Variants in CRIM1 observed in about 807,000 individuals in gnomAD.
CRIM1 encodes the protein cysteine rich transmembrane BMP regulator 1, also known as cysteine-rich motor neuron 1 protein.
A neutral mutation model predicts 116.4 loss-of-function variants in CRIM1; 32 were observed. The observed-to-expected ratio is 0.27, with a 90% CI of 0.21 to 0.37. The LOEUF is 0.37. Ranked by LOEUF, CRIM1 falls within the 10% of genes least tolerant of loss-of-function variation. The pLI is 1.00. For missense variants in CRIM1, 1,331 were observed against 1,354.8 expected (o/e 0.98, Z 0.28); for synonymous variants, 590 against 509.2 (o/e 1.16, Z -2.13).
At position 36,476,928 on chromosome 2, in the gene CRIM1, A is replaced by G; in HGVS notation, c.1031A>G (p.Tyr344Cys). The change falls in exon 6 of 17, where the codon TAT (tyrosine) becomes TGT (cysteine). Residue 344 changes from tyrosine to cysteine, a missense_variant. Tyr to Cys is a radical substitution (Grantham distance 194). Coordinates refer to ENST00000280527, the MANE Select transcript of CRIM1 (RefSeq NM_016441.3). ...PACVFNNVEY[Y>C]DGDMFRMDNC... The stretch of plus-strand genomic sequence containing the variant: ...TGCGTATTTAACAATGTGGAATATT[A>G]TGATGGAGACATGTTTCGAATGGAC... The G allele has an allele frequency of 5.0e-6, 8 of 1,614,118 alleles. No homozygotes were observed. Among genetic ancestry groups the G allele is most frequent in the Non-Finnish European group, 6.8e-6 (8 of 1,179,982 alleles).
intron 2 of CRIM1, among the ~76,000 whole-genome samples, chr2:36,406,679 C>T (rs1027699737): frequency 1.4e-5 from 2 of 140,738 alleles, no homozygotes; most frequent in African/African-American, 2.6e-5. Flanking sequence ...TTCTCTTACT[C>T]GTCCTGAAAC....
intron 7 of CRIM1, among the ~76,000 whole-genome samples, chr2:36,488,555 G>T (rs951605945): frequency 6.6e-6 from 1 of 152,164 alleles, no homozygotes; most frequent in African/African-American, 2.4e-5. Flanking sequence ...TCTGAAATTT[G>T]CCAGAAAGCA....
intron 2 of CRIM1, among the ~76,000 whole-genome samples, chr2:36,440,474 C>A (rs1227360026): frequency 6.6e-6 from 1 of 152,200 alleles, no homozygotes; most frequent in Non-Finnish European, 1.5e-5. Flanking sequence ...TAAAACTCAA[C>A]CCAAGAAGCT....
intron 7 of CRIM1, among the ~76,000 whole-genome samples, chr2:36,482,494 GAC>G (rs1259467683): frequency 6.6e-6 from 1 of 152,164 alleles, no homozygotes. Context: ...ATCATTTGAA[GAC>G]ATTTTTTCTC....
intron 4 of CRIM1, among the ~76,000 whole-genome samples, chr2:36,461,827 C>T (rs549826269): frequency 2.1e-4 from 32 of 152,256 alleles, no homozygotes; most frequent in African/African-American, 7.7e-4. Context: ...TTGACCATTT[C>T]GAACTGCAAA....
rs193112932 is a variant in CRIM1, at chr2:36,492,472, A to G, written c.1373-6747A>G. ...AGATTAGGGAATTTTTGTATCTTCA[A>G]TTTTTTTTTTTTCTTATTGTCTGCT... On this transcript the variant is annotated intron_variant, in intron 7 of 16. Coordinates refer to ENST00000280527, the MANE Select transcript of CRIM1 (RefSeq NM_016441.3). 3.4e-5 allele frequency among the ~76,000 whole-genome samples: 5 copies of G among 147,838 alleles called. No individual in the cohort carries two copies. In the East Asian group the frequency reaches 9.8e-4, roughly 29 times the overall value.
At chr2:36,470,263 G>T (rs933960381) in intron 5 of CRIM1, among the ~76,000 whole-genome samples, 1 of 152,180 alleles carries the variant, frequency 6.6e-6, no homozygotes, top group Non-Finnish European at 1.5e-5. Flanking sequence ...TTGGTGGAGG[G>T]ATGGGACAAG....
At chr2:36,526,198 G>A (rs142563371) in intron 13 of CRIM1, among the ~76,000 whole-genome samples, 11 of 151,772 alleles carry the variant, frequency 7.2e-5, no homozygotes, top group Non-Finnish European at 1.5e-4. Flanking sequence ...TTTGTACTCT[G>A]GTTTTCTAAG....
chr2:36,519,668 C>G (rs1665250147), intron 12 of CRIM1, among the ~76,000 whole-genome samples: 1 of 152,180 alleles, frequency 6.6e-6, no homozygotes, highest in South Asian at 2.1e-4. Context: ...GGGTCGAATC[C>G]CTCATGATGC....
At chr2:36,464,448 C>T in intron 4 of CRIM1, 86 bp from the exon 5 acceptor site, 2 of 1,465,708 alleles carry the variant, frequency 1.4e-6, no homozygotes, top group Non-Finnish European at 1.9e-6. Context: ...TACTTTGCCA[C>T]AGCCACTGCC....
At chr2:36,446,342 CATTCATCT>C (rs1676241635) in intron 4 of CRIM1, among the ~76,000 whole-genome samples, 1 of 152,192 alleles carries the variant, frequency 6.6e-6, no homozygotes. Context: ...TCAGTTGATT[CATTCATCT>C]ATTCATCAAA....
chr2:36,520,510 T>C (rs1015216251), intron 12 of CRIM1, among the ~76,000 whole-genome samples: 1 of 152,224 alleles, frequency 6.6e-6, no homozygotes, highest in Non-Finnish European at 1.5e-5. Flanking sequence ...CATCCCATCT[T>C]ACTATCTCTA....
chr2:36,535,103 G>C (rs1461905113), intron 13 of CRIM1, among the ~76,000 whole-genome samples: 1 of 132,046 alleles, frequency 7.6e-6, no homozygotes, highest in Non-Finnish European at 1.6e-5. Flanking sequence ...GAATGAAGGA[G>C]AGAGGGAAGG....
At chr2:36,378,256 G>C (rs1196807351) in intron 1 of CRIM1, 1 of 469,030 alleles carries the variant, frequency 2.1e-6, no homozygotes, top group Admixed American at 2.4e-5. Flanking sequence ...TAATTGATGG[G>C]ATATTTTTCT....
chr2:36,499,645 C>T (rs1680849385), intron 8 of CRIM1, among the ~76,000 whole-genome samples: 1 of 152,126 alleles, frequency 6.6e-6, no homozygotes. Context: ...CTTTAGTACA[C>T]TTGCCAGGTC....
chr2:36,501,402 G>C (rs772999994), intron 8 of CRIM1, among the ~76,000 whole-genome samples: 1 of 152,178 alleles, frequency 6.6e-6, no homozygotes, highest in Non-Finnish European at 1.5e-5. Flanking sequence ...CTACAGTGGC[G>C]TTAGTGCTAA....
chr2:36,468,609 C>T (rs1678234328), intron 5 of CRIM1, among the ~76,000 whole-genome samples: 1 of 152,166 alleles, frequency 6.6e-6, no homozygotes, highest in Admixed American at 6.5e-5. Flanking sequence ...ACCTCCAAAG[C>T]AGTGTTGTAA....
At position 36,522,321 on chromosome 2, in the gene CRIM1, C is replaced by T; in HGVS notation, c.2428+8C>T. On this transcript the variant is annotated splice_region_variant and intron_variant, in intron 13 of 16. Coordinates refer to ENST00000280527, the MANE Select transcript of CRIM1 (RefSeq NM_016441.3). The stretch of plus-strand genomic sequence containing the variant: ...GTTGTCCCTACTGCATAGGTAAGAC[C>T]AAGGAAAAAAAAATCCCTCATCTCT... The T allele has an allele frequency of 6.3e-7, 1 of 1,585,808 alleles. No individual in the cohort carries two copies. The highest frequency in any genetic ancestry group is 8.6e-7 in the Non-Finnish European group (1 of 1,162,300).
chr2:36,410,147 G>A (rs1255645317), intron 2 of CRIM1, among the ~76,000 whole-genome samples: 1 of 152,202 alleles, frequency 6.6e-6, no homozygotes, highest in East Asian at 1.9e-4. Context: ...ATGAATTAAT[G>A]TCTGTGTGAG....
Sources: allele counts gnomAD v4.1 joint callset (sites outside exome capture counted in the v4.1 genomes callset), GRCh38; gene constraint gnomAD v4.1.1; transcripts MANE v1.5; gene names NCBI Gene and HGNC (gene_info 2026-07-23, HGNC 2026-07-21).